The following ZC3H8 variants were observed in gnomAD, a reference collection of about 807,000 sequenced individuals.
The protein encoded by ZC3H8 is zinc finger CCCH domain-containing protein 8.
In ZC3H8, 27 loss-of-function variants were observed where a neutral mutation model predicts 42.5. That is an observed-to-expected ratio of 0.64 (90% CI 0.47 to 0.88). ZC3H8 has a LOEUF of 0.88. Ranked by LOEUF, ZC3H8 falls within the 40% of genes least tolerant of loss-of-function variation. The pLI, the probability that ZC3H8 is intolerant of heterozygous loss-of-function variation, is 0.00. For synonymous variants in ZC3H8, 101 were observed against 110.1 expected (o/e 0.92, Z 0.52); for missense variants, 277 against 336.1 (o/e 0.82, Z 1.37).
chr2:112,224,296 T>A (rs1156690818), intron 8 of ZC3H8, among the ~76,000 whole-genome samples: 1 of 152,190 alleles, frequency 6.6e-6, no homozygotes, highest in African/African-American at 2.4e-5. Context: ...AAAGAAAAAC[T>A]CTGGTCATGT....
intron 4 of ZC3H8, 125 bp downstream of exon 4, chr2:112,236,437 G>T: frequency 7.4e-7 from 1 of 1,342,436 alleles, no homozygotes; most frequent in East Asian, 2.4e-5. Flanking sequence ...ATCTTCATCC[G>T]AAAACCGATT....
rs1685117025 is a variant in ZC3H8, at chr2:112,232,069, G to A, written c.734-122C>T. ...CCGGGCGAGGTGGCTCATGCCTGTA[G>A]GAGGCGGAGGTGGGCAGATCACTTG... On this transcript the variant is annotated intron_variant, in intron 6 of 8. Coordinates refer to ENST00000409573, the MANE Select transcript of ZC3H8 (RefSeq NM_032494.3). 1.7e-5 allele frequency: 8 copies of A among 479,070 alleles called. No individual in the cohort carries two copies. The East Asian group carries it at 2.8e-4, about 17-fold the overall frequency. 29.7% of individuals were successfully genotyped at this position (479,070 alleles called of 1,614,324 possible).
At chr2:112,226,219 GT>G (rs374883985) in intron 8 of ZC3H8, among the ~76,000 whole-genome samples, 3,451 of 148,522 alleles carry the variant, frequency 0.023, 64 homozygotes, top group South Asian at 0.053. Context: ...TACCAAAGCT[GT>G]TTTTTTTTTA....
At chr2:112,249,675 A>C (rs1477869635) in intron 2 of ZC3H8, among the ~76,000 whole-genome samples, 1 of 152,060 alleles carries the variant, frequency 6.6e-6, no homozygotes, top group African/African-American at 2.4e-5. Context: ...CAAACTCCTG[A>C]CCTCATGATC....
Position 112,238,527 on chromosome 2 carries a change from A to C in ZC3H8, c.158T>G (p.Phe53Cys), listed in dbSNP as rs530233655. 6.3e-7 allele frequency: 1 copy of C among 1,592,664 alleles called. No homozygotes were observed. The highest frequency in any genetic ancestry group is 8.5e-7 in the Non-Finnish European group (1 of 1,174,232). Reference protein sequence around the residue: ...KLECEQIPKKFRHSAISPKSS... With the variant: ...KLECEQIPKKCRHSAISPKSS... The stretch of plus-strand genomic sequence containing the variant: ...TTTTGGTGATATTGCAGAGTGTCTA[A>C]ACTAAGTAAAAATTAAAACTTCAAT... Residue 53 changes from phenylalanine (F) to cysteine (C), a missense_variant and splice_region_variant, in exon 3 of 9, where the codon TTT becomes TGT. Phe to Cys is a radical substitution (Grantham distance 205). Coordinates refer to ENST00000409573, the MANE Select transcript of ZC3H8 (RefSeq NM_032494.3).
chr2:112,254,853 G>A (rs1380734780), intron 1 of ZC3H8, 55 bp downstream of exon 1: 11 of 1,575,220 alleles, frequency 7.0e-6, no homozygotes, highest in East Asian at 2.3e-5. Flanking sequence ...AAGAAACTAA[G>A]AGGCGGAGTC....
chr2:112,238,868 A>G (rs1421867939), intron 2 of ZC3H8, among the ~76,000 whole-genome samples: 1 of 152,264 alleles, frequency 6.6e-6, no homozygotes, highest in Non-Finnish European at 1.5e-5. Context: ...AGAGGATTAC[A>G]GTATTACAGT....
chr2:112,246,834 A>T (rs994332591), intron 2 of ZC3H8, among the ~76,000 whole-genome samples: 1 of 152,236 alleles, frequency 6.6e-6, no homozygotes, highest in African/African-American at 2.4e-5. Context: ...TACTGTGGGT[A>T]AAATGCTATC....
intron 2 of ZC3H8, among the ~76,000 whole-genome samples, chr2:112,243,382 G>C (rs1685649725): frequency 6.6e-6 from 1 of 152,180 alleles, no homozygotes; most frequent in Admixed American, 6.5e-5. Context: ...ATGTCTTCCA[G>C]GCAATGTATA....
chr2:112,223,961 G>T (rs771276098), intron 8 of ZC3H8, among the ~76,000 whole-genome samples: 1 of 152,126 alleles, frequency 6.6e-6, no homozygotes, highest in East Asian at 1.9e-4. Flanking sequence ...TGGCCAAAAT[G>T]GTGAAACCCC....
intron 1 of ZC3H8, among the ~76,000 whole-genome samples, chr2:112,254,660 C>T (rs982981181): frequency 1.3e-5 from 2 of 152,362 alleles, no homozygotes; most frequent in South Asian, 4.1e-4. Flanking sequence ...CCCGCTCCCC[C>T]GCCCAGGCTC....
In ZC3H8 at chr2:112,214,945, A is replaced by T. The variant is rs1210533321; in HGVS notation, c.*1539T>A. 6.6e-6 allele frequency: 1 copy of T among 152,048 alleles called. No individual in the cohort carries two copies. The highest frequency in any genetic ancestry group is 1.9e-4 in the East Asian group (1 of 5,192). 9.4% of individuals were successfully genotyped at this position (152,048 alleles called of 1,614,324 possible). On this transcript the variant is annotated 3_prime_UTR_variant, in exon 9 of 9. Transcript: ENST00000409573. The stretch of plus-strand genomic sequence containing the variant: ...TTGAAAAATAAGAGGTTTTTAACCT[A>T]CTCTATTTGACTTCTGAGTCCCTCA...
chr2:112,222,667 T>C (rs1433153356), intron 8 of ZC3H8, among the ~76,000 whole-genome samples: 1 of 151,976 alleles, frequency 6.6e-6, no homozygotes, highest in Non-Finnish European at 1.5e-5. Context: ...TTATATGAGA[T>C]AAAAAAAGGA....
intron 6 of ZC3H8, among the ~76,000 whole-genome samples, chr2:112,232,673 T>C (rs767270470): frequency 3.3e-5 from 5 of 152,218 alleles, no homozygotes; most frequent in Non-Finnish European, 5.9e-5. Flanking sequence ...TTTATATAAC[T>C]TCAATATTTT....
chr2:112,236,400 C>G (rs1685336452), intron 4 of ZC3H8, among the ~76,000 whole-genome samples, 162 bp downstream of exon 4: 1 of 152,178 alleles, frequency 6.6e-6, no homozygotes, highest in South Asian at 2.1e-4. Flanking sequence ...AGGAAGAACA[C>G]AGAGAACCCA....
rs759898578 is a variant in ZC3H8, at chr2:112,238,422, T to A, written c.263A>T (p.Asp88Val). 2 of 1,613,734 alleles carry A rather than the reference T, an allele frequency of 1.2e-6. No individual in the cohort carries two copies. Among genetic ancestry groups the A allele is most frequent in the Admixed American group, 3.3e-5 (2 of 60,032 alleles). The change falls in exon 3 of 9, where the codon GAT becomes GTT. Residue 88 changes from aspartate (D) to valine (V), a missense_variant. Transcript: ENST00000409573. ...CTGTTGAAGCTCTTTGGCAAAATTA[T>A]CTTCTGATTCCTGACTGCAGATATC... The part of the protein sequence containing the change: ...DNDICSQESE[D>V]NFAKELQQYI...
chr2:112,252,943 A>C (rs1573931364), intron 1 of ZC3H8, among the ~76,000 whole-genome samples: 1 of 152,268 alleles, frequency 6.6e-6, no homozygotes, highest in Non-Finnish European at 1.5e-5. Context: ...GGAGATCGAG[A>C]CCATCCTGTC....
At chr2:112,253,378 T>C (rs1686023197) in intron 1 of ZC3H8, among the ~76,000 whole-genome samples, 1 of 152,156 alleles carries the variant, frequency 6.6e-6, no homozygotes, top group Admixed American at 6.5e-5. Flanking sequence ...TTTGAATGAA[T>C]GAGAAGTATT....
intron 8 of ZC3H8, among the ~76,000 whole-genome samples, chr2:112,219,842 G>A (rs868247600): frequency 6.6e-6 from 1 of 152,102 alleles, no homozygotes; most frequent in South Asian, 2.1e-4. Context: ...CTACCTCAAC[G>A]ATCTAATACT....
Sources: allele counts gnomAD v4.1 joint callset (sites outside exome capture counted in the v4.1 genomes callset), GRCh38; gene constraint gnomAD v4.1.1; transcripts MANE v1.5; gene names NCBI Gene and HGNC (gene_info 2026-07-23, HGNC 2026-07-21).